EPS15: variants seen among roughly 807,000 people sequenced by gnomAD.
EPS15 encodes epidermal growth factor receptor pathway substrate 15.
In EPS15, 72 loss-of-function variants were observed where a neutral mutation model predicts 113.8. The ratio of observed to expected loss-of-function variants is 0.63; its 90% CI spans 0.52 to 0.77. The LOEUF (loss-of-function observed/expected upper bound fraction) is 0.77, where lower values mean the gene tolerates loss of function less well. EPS15 is among the 30% of genes least tolerant of loss of function. The pLI is 0.00. For missense variants in EPS15, 1,048 were observed against 1,045.8 expected (o/e 1.00, Z -0.03); for synonymous variants, 344 against 363.4 (o/e 0.95, Z 0.61).
chr1:51,406,256 G>T, intron 15 of EPS15, 148 bp from the exon 16 acceptor site: 1 of 656,272 alleles, frequency 1.5e-6, no homozygotes, highest in Non-Finnish European at 2.6e-6. Context: ...CAGGAGGACT[G>T]CTTCAGCCCA....
At chr1:51,398,627 C>G (rs889682779) in intron 20 of EPS15, among the ~76,000 whole-genome samples, 2 of 152,122 alleles carry the variant, frequency 1.3e-5, no homozygotes, top group African/African-American at 2.4e-5. Context: ...AATTAACATT[C>G]CAGATGTGTC....
chr1:51,430,606 A>G (rs1651628809), intron 12 of EPS15, among the ~76,000 whole-genome samples: 1 of 151,980 alleles, frequency 6.6e-6, no homozygotes, highest in Non-Finnish European at 1.5e-5. Context: ...TAGTTCACAA[A>G]AGCTTAGGTT....
chr1:51,470,016 C>T (rs569698438), intron 4 of EPS15, among the ~76,000 whole-genome samples: 27 of 152,272 alleles, frequency 1.8e-4, no homozygotes, highest in African/African-American at 6.3e-4. Flanking sequence ...CAATGTCTTC[C>T]CTAACTGCTA....
intron 1 of EPS15, among the ~76,000 whole-genome samples, chr1:51,508,366 A>AAGAAAGAAAGAAAGAC (rs1644558597): frequency 6.6e-6 from 1 of 151,062 alleles, no homozygotes; most frequent in South Asian, 2.1e-4. Context: ...GAAAGAAAGA[A>AAGAAAGAAAGAAAGAC]AGAAAGAAAG....
intron 16 of EPS15, 49 bp downstream of exon 16, chr1:51,405,856 A>G: frequency 6.8e-7 from 1 of 1,479,556 alleles, no homozygotes; most frequent in East Asian, 2.3e-5. Flanking sequence ...TGAAACTTGG[A>G]TCTGCACAAG....
At chr1:51,384,870 A>G (rs543355227) in intron 21 of EPS15, among the ~76,000 whole-genome samples, 1 of 152,344 alleles carries the variant, frequency 6.6e-6, no homozygotes, top group Admixed American at 6.5e-5. Flanking sequence ...ACAAGAAAAG[A>G]TGATGGGAAA....
At position 51,440,449 on chromosome 1, in the gene EPS15, C is replaced by T. The variant is rs1043042364; in HGVS notation, c.955-17G>A. 1 of 1,277,916 alleles carries T rather than the reference C, an allele frequency of 7.8e-7. No homozygotes were observed. Among genetic ancestry groups the T allele is most frequent in the Admixed American group, 1.9e-5 (1 of 51,898 alleles). The allele number at this position is 1,277,916 out of a possible 1,614,324, so 79.2% of individuals were successfully genotyped here. ...TATGATGTTCTAAAAACAAAAAGTT[C>T]ACAATTATACATTACTATAAAATTA... On this transcript the variant is annotated splice_polypyrimidine_tract_variant and intron_variant, in intron 11 of 24. Transcript: ENST00000371733.
chr1:51,410,560 G>A (rs1232641293), intron 13 of EPS15, among the ~76,000 whole-genome samples: 1 of 152,164 alleles, frequency 6.6e-6, no homozygotes, highest in Non-Finnish European at 1.5e-5. Flanking sequence ...GTACATACCA[G>A]ACCTCATGCT....
chr1:51,461,088 T>C lies in EPS15; in HGVS notation c.561+3A>G. 1.9e-6 allele frequency: 3 copies of C among 1,579,848 alleles called. No individual in the cohort carries two copies. The highest frequency in any genetic ancestry group is 2.6e-6 in the Non-Finnish European group (3 of 1,148,800). On this transcript the variant is annotated splice_donor_region_variant and intron_variant, in intron 8 of 24. Coordinates refer to ENST00000371733, the MANE Select transcript of EPS15 (RefSeq NM_001981.3). ...AAGATGTTAAGAACATTAGATTACT[T>C]ACAACTGCAAACTCATCTCTGTCAA...
rs192096988 is a variant in EPS15, at chr1:51,373,786, A to G, written c.2120-7757T>C. Among the ~76,000 whole-genome samples, 93 of 152,238 alleles carry G rather than the reference A, an allele frequency of 6.1e-4. 1 individual carries two copies. Among genetic ancestry groups the G allele is most frequent in the African/African-American group, 2.0e-3 (85 of 41,534 alleles). On this transcript the variant is annotated intron_variant, in intron 21 of 24. Transcript: ENST00000371733. Reference sequence around the variant, plus strand: ...GCCAACATGGTGAAACCCTGTCTCTACTAAAAATACAAAAATTAGCCAGGC... The same window carrying G: ...GCCAACATGGTGAAACCCTGTCTCTGCTAAAAATACAAAAATTAGCCAGGC...
chr1:51,446,414 A>G (rs1570322394), intron 10 of EPS15, among the ~76,000 whole-genome samples: 1 of 150,434 alleles, frequency 6.6e-6, no homozygotes, highest in African/African-American at 2.4e-5. Context: ...CAGAAGCTGG[A>G]TTTTAACATT....
rs551803561 is a variant in EPS15 at position 51,371,204 on chromosome 1, T to C, written c.2120-5175A>G. Among the ~76,000 whole-genome samples, 6 of 152,220 alleles carry C rather than the reference T, an allele frequency of 3.9e-5. No homozygotes were observed. The South Asian group carries it at 1.2e-3, about 32-fold the overall frequency. ...TGCTGGGATTACAGGTGTGAGCCAC[T>C]GTGCCTGGCCAATCGTTATTTTAGT... On this transcript the variant is annotated intron_variant, in intron 21 of 24. Transcript: ENST00000371733.
At chr1:51,466,066 G>C (rs1016918195) in intron 5 of EPS15, among the ~76,000 whole-genome samples, 1 of 144,364 alleles carries the variant, frequency 6.9e-6, no homozygotes, top group African/African-American at 2.6e-5. Context: ...AGTGAGGTGG[G>C]GAGGACTAGC....
intron 21 of EPS15, among the ~76,000 whole-genome samples, chr1:51,366,438 T>C (rs1314844738): frequency 1.3e-5 from 2 of 152,228 alleles, no homozygotes; most frequent in Non-Finnish European, 2.9e-5. Context: ...ATCTCAAATA[T>C]TAATTCCTGA....
intron 1 of EPS15, among the ~76,000 whole-genome samples, chr1:51,497,333 C>A: frequency 6.6e-6 from 1 of 152,108 alleles, no homozygotes; most frequent in East Asian, 1.9e-4. Flanking sequence ...CAGGGTTATA[C>A]TAAAATTGAG....
At chr1:51,510,463 T>C (rs1644599693) in intron 1 of EPS15, among the ~76,000 whole-genome samples, 1 of 152,202 alleles carries the variant, frequency 6.6e-6, no homozygotes. Context: ...AAATAATGTA[T>C]GTAGATCATC....
chr1:51,485,860 C>G (rs1644111895), intron 1 of EPS15, among the ~76,000 whole-genome samples: 1 of 152,060 alleles, frequency 6.6e-6, no homozygotes, highest in African/African-American at 2.4e-5. Flanking sequence ...TGCAATGGCA[C>G]TATCTTGGCC....
intron 1 of EPS15, among the ~76,000 whole-genome samples, chr1:51,499,311 T>C (rs2148548263): frequency 6.6e-6 from 1 of 152,384 alleles, no homozygotes; most frequent in Admixed American, 6.5e-5. Flanking sequence ...TTGTAGCATG[T>C]ATGATAATTT....
intron 4 of EPS15, among the ~76,000 whole-genome samples, chr1:51,471,087 G>A (rs540793258): frequency 1.3e-5 from 2 of 152,244 alleles, no homozygotes; most frequent in Non-Finnish European, 2.9e-5. Flanking sequence ...GCTATGCCGG[G>A]GGTGGGGAGG....
Sources: allele counts gnomAD v4.1 joint callset (sites outside exome capture counted in the v4.1 genomes callset), GRCh38; gene constraint gnomAD v4.1.1; transcripts MANE v1.5; gene names NCBI Gene and HGNC (gene_info 2026-07-23, HGNC 2026-07-21).